Variants in SGK1 observed in about 807,000 individuals in gnomAD.
SGK1 encodes the protein serine/threonine-protein kinase Sgk1.
In SGK1, 26 loss-of-function variants were observed where a neutral mutation model predicts 64.2. The ratio of observed to expected loss-of-function variants is 0.40; its 90% confidence interval spans 0.30 to 0.56. SGK1 has a LOEUF of 0.56. SGK1 is among the 20% of genes least tolerant of loss of function. The probability of loss-of-function intolerance (pLI) is 0.38; values close to 1 mark genes in which losing one functional copy is unlikely to be tolerated. For synonymous variants in SGK1, 265 were observed against 239.7 expected (o/e 1.11, Z -0.98); for missense variants, 519 against 645.6 (o/e 0.80, Z 2.12).
At chr6:134,237,122 T>A (rs976304096) in intron 2 of SGK1, among the ~76,000 whole-genome samples, 2 of 151,076 alleles carry the variant, frequency 1.3e-5, no homozygotes, top group Non-Finnish European at 3.0e-5. Flanking sequence ...TGGCGCGATC[T>A]CAGCTCACTG....
intron 2 of SGK1, chr6:134,230,465 G>C (rs963517261): frequency 7.2e-5 from 11 of 152,316 alleles, no homozygotes; most frequent in African/African-American, 2.6e-4. Flanking sequence ...GGGGAAGCAA[G>C]ATGCCTTCCT....
chr6:134,272,307 ATTT>A (rs527544494), intron 1 of SGK1, among the ~76,000 whole-genome samples: 14,564 of 119,346 alleles, frequency 0.12, 1,417 homozygotes, highest in African/African-American at 0.21. Context: ...TGACCAGCTA[ATTT>A]TTTTTTTTTT....
chr6:134,275,339 G>A (rs1377264645), intron 1 of SGK1, among the ~76,000 whole-genome samples: 1 of 152,162 alleles, frequency 6.6e-6, no homozygotes, highest in African/African-American at 2.4e-5. Flanking sequence ...GACCCACTGT[G>A]TCCAGCCTCC....
At chr6:134,255,182 T>G (rs996987064) in intron 2 of SGK1, among the ~76,000 whole-genome samples, 11 of 151,936 alleles carry the variant, frequency 7.2e-5, no homozygotes, top group African/African-American at 2.4e-4. Context: ...AATCTCTTTG[T>G]TTTTAATCAC....
intron 2 of SGK1, among the ~76,000 whole-genome samples, chr6:134,235,812 T>G (rs1475070013): frequency 1.3e-5 from 2 of 152,120 alleles, no homozygotes; most frequent in Non-Finnish European, 2.9e-5. Flanking sequence ...TGACCTCAGG[T>G]GATCCTCTCT....
chr6:134,205,531 A>G (rs1025820254), intron 3 of SGK1, among the ~76,000 whole-genome samples: 1 of 151,994 alleles, frequency 6.6e-6, no homozygotes, highest in Non-Finnish European at 1.5e-5. Context: ...AGAACAGATT[A>G]TAGCACAGAT....
chr6:134,174,074 T>C lies in SGK1; in HGVS notation c.444A>G (p.Glu148=), dbSNP rs1278945419. Reference sequence around the variant, plus strand: ...GGGAGATCTTCAAGATGGACTGAACTTCAGGGCTGCAGGGAATAAAGGGCA... The same window carrying C: ...GGGAGATCTTCAAGATGGACTGAACCTCAGGGCTGCAGGGAATAAAGGGCA... ...ANNSYACKHP[E]VQSILKISQP... The change falls in exon 5 of 14, where the codon GAA becomes GAG. Residue 148 remains glutamate, a synonymous_variant. Transcript: ENST00000367858. The C allele has an allele frequency of 1.9e-6, 3 of 1,612,918 alleles. No homozygotes were observed. The Admixed American group carries it at 5.0e-5, about 27-fold the overall frequency.
intron 3 of SGK1, among the ~76,000 whole-genome samples, chr6:134,201,236 A>G (rs1775676167): frequency 6.7e-6 from 1 of 148,730 alleles, no homozygotes; most frequent in South Asian, 2.1e-4. Flanking sequence ...AATTTTTTGT[A>G]TTTTTAGTAG....
chr6:134,170,014 C>T lies in SGK1; in HGVS notation c.*254G>A, dbSNP rs770903591. The T allele has an allele frequency of 2.4e-5, 7 of 288,582 alleles. No individual in the cohort carries two copies. Among genetic ancestry groups the T allele is most frequent in the South Asian group, 9.8e-5 (1 of 10,242 alleles). The allele number at this position is 288,582 out of a possible 1,614,324, so 17.9% of individuals were successfully genotyped here. A position where few individuals can be genotyped will look rare whatever the true frequency, so the allele number is the denominator to read the frequency against. On this transcript the variant is annotated 3_prime_UTR_variant, in exon 14 of 14. Transcript: ENST00000367858. ...ACGAAACTCCTGCCTCCGTCTAAGG[C>T]GGCACTCTAACGCTCGTTTCAGAGA...
At chr6:134,174,416 A>C (rs1202223186) in intron 4 of SGK1, 95 bp downstream of exon 4, 1 of 821,310 alleles carries the variant, frequency 1.2e-6, no homozygotes, top group African/African-American at 1.7e-5. Context: ...CCCCAGAAGA[A>C]GTCTTCGCCT....
In SGK1 at chr6:134,317,939, A is replaced by T. The variant is rs1319514267; in HGVS notation, c.-479T>A. ...GCAAGTTCCAGTGGGAGCTGTAGTT[A>T]AGCAGCTGAGAGAAGGAGTAAGAAA... On this transcript the variant is annotated 5_prime_UTR_variant, in exon 1 of 14. An upstream open reading frame in the 5' UTR loses its in-frame stop. Transcript: ENST00000367858. 1 of 155,168 alleles carries T rather than the reference A, an allele frequency of 6.4e-6. No homozygotes were observed. Among genetic ancestry groups the T allele is most frequent in the African/African-American group, 2.4e-5 (1 of 41,482 alleles). The allele number at this position is 155,168 out of a possible 1,614,324, so 9.6% of individuals were successfully genotyped here.
chr6:134,220,771 T>A (rs1029097595), intron 2 of SGK1, among the ~76,000 whole-genome samples: 1 of 152,160 alleles, frequency 6.6e-6, no homozygotes, highest in Non-Finnish European at 1.5e-5. Flanking sequence ...GGGAGAGATA[T>A]AATTTTTTGA....
chr6:134,174,976 C>G, intron 3 of SGK1: 2 of 1,294,188 alleles, frequency 1.5e-6, no homozygotes, highest in Non-Finnish European at 2.1e-6. Context: ...CCGCCCCGGC[C>G]GCCTCGCGGT....
At chr6:134,296,417 A>G (rs1459948587) in intron 1 of SGK1, among the ~76,000 whole-genome samples, 2 of 152,136 alleles carry the variant, frequency 1.3e-5, no homozygotes, top group Non-Finnish European at 2.9e-5. Context: ...GACTACAGGC[A>G]TATGCTGCTG....
intron 2 of SGK1, among the ~76,000 whole-genome samples, chr6:134,224,084 T>C (rs1057333576): frequency 6.6e-6 from 1 of 152,208 alleles, no homozygotes; most frequent in Non-Finnish European, 1.5e-5. Flanking sequence ...GTATTTGATA[T>C]GAAACACATG....
chr6:134,249,000 C>T (rs1776566542), intron 2 of SGK1, among the ~76,000 whole-genome samples: 1 of 152,238 alleles, frequency 6.6e-6, no homozygotes, highest in Non-Finnish European at 1.5e-5. Flanking sequence ...TCAGGCTCCT[C>T]TTTTTAATCA....
At chr6:134,192,575 A>T (rs926189967) in intron 3 of SGK1, among the ~76,000 whole-genome samples, 1 of 150,920 alleles carries the variant, frequency 6.6e-6, no homozygotes, top group Admixed American at 6.6e-5. Flanking sequence ...TCGTCTTCCT[A>T]CCTCCCTCCC....
chr6:134,266,385 C>T (rs990703101), intron 1 of SGK1, among the ~76,000 whole-genome samples: 2 of 151,946 alleles, frequency 1.3e-5, no homozygotes, highest in Non-Finnish European at 2.9e-5. Context: ...GAGGCTGAGG[C>T]GTGTGGATCA....
At chr6:134,237,760 T>C (rs1776386581) in intron 2 of SGK1, among the ~76,000 whole-genome samples, 2 of 152,312 alleles carry the variant, frequency 1.3e-5, no homozygotes, top group Admixed American at 1.3e-4. Context: ...TTTTCTTTTG[T>C]AGCTTTGTTT....
Sources: gnomAD v4.1 joint callset for allele counts (sites outside exome capture counted in the v4.1 genomes callset) on GRCh38, gnomAD v4.1.1 for gene constraint, MANE v1.5 for transcripts, NCBI Gene and HGNC (gene_info 2026-07-23, HGNC 2026-07-21) for gene names.